SNX19: variants seen among roughly 807,000 people sequenced by gnomAD.
The protein encoded by SNX19 is sorting nexin 19.
A neutral mutation model predicts 85.2 loss-of-function variants in SNX19; 60 were observed. The ratio of observed to expected loss-of-function variants is 0.70; its 90% confidence interval spans 0.57 to 0.87. The LOEUF (loss-of-function observed/expected upper bound fraction) is 0.87, where lower values mean the gene tolerates loss of function less well. Among genes scored for constraint, SNX19 ranks in the 40% least tolerant of loss-of-function variants. SNX19 has a pLI of 0.00. For synonymous variants in SNX19, 520 were observed against 470.0 expected, an observed-to-expected ratio of 1.11 and a Z score of -1.38; for missense variants, 1,201 against 1,217.8, an observed-to-expected ratio of 0.99 and a Z score of 0.21.
In SNX19 at chr11:130,870,456, C is replaced by T. The variant is rs1192606998; in HGVS notation, c.*7966G>A. ...ACATTTGAGTAATGGATTTCTTTAC[C>T]TCACCTAAACAGATCCACTGAAAAG... On this transcript the variant is annotated 3_prime_UTR_variant, in exon 11 of 11. Coordinates refer to ENST00000265909, the MANE Select transcript of SNX19 (RefSeq NM_014758.3). Among the ~76,000 whole-genome samples the T allele has an allele frequency of 2.0e-5, 3 of 152,200 alleles. No individual in the cohort carries two copies. Among genetic ancestry groups the T allele is most frequent in the Non-Finnish European group, 4.4e-5 (3 of 68,036 alleles).
chr11:130,911,712 A>C lies in SNX19; in HGVS notation c.1734T>G (p.Thr578=), dbSNP rs779867870. Residue 578 remains threonine (T), a synonymous_variant, in exon 2 of 11, where the codon ACT becomes ACG. Coordinates refer to ENST00000265909, the MANE Select transcript of SNX19 (RefSeq NM_014758.3). ...SSGLQQLAYH[T]VNRRYREFLN... ...AGAACTCCCGATAGCGACGATTCAC[A>C]GTGTGGTAGGCCAGCTGCTGCAGGC... 1 of 1,614,206 alleles carries C rather than the reference A, an allele frequency of 6.2e-7. No homozygotes were observed. The highest frequency in any genetic ancestry group is 1.3e-5 in the African/African-American group (1 of 75,030).
chr11:130,902,955 T>C (rs1215722121), intron 8 of SNX19: 1 of 279,346 alleles, frequency 3.6e-6, no homozygotes, highest in Non-Finnish European at 6.8e-6. Flanking sequence ...GGCTGGAGGA[T>C]ATAACTGGGT....
intron 4 of SNX19, 96 bp from the exon 5 acceptor site, chr11:130,908,179 A>G: frequency 3.5e-6 from 5 of 1,430,576 alleles, no homozygotes; most frequent in Non-Finnish European, 4.7e-6. Context: ...GCAACAGGAC[A>G]AGGAGAGGGG....
chr11:130,891,002 T>A (rs1944458259), intron 8 of SNX19, among the ~76,000 whole-genome samples: 1 of 151,544 alleles, frequency 6.6e-6, no homozygotes, highest in Non-Finnish European at 1.5e-5. Context: ...CAAACACTGG[T>A]CTTAAAGCAT....
In SNX19 at chr11:130,916,214, A is replaced by G; in HGVS notation, c.-275T>C. 2.2e-6 allele frequency: 1 copy of G among 450,044 alleles called. No individual in the cohort carries two copies. Among genetic ancestry groups the G allele is most frequent in the Non-Finnish European group, 4.0e-6 (1 of 249,408 alleles). The allele number at this position is 450,044 out of a possible 1,614,324, so 27.9% of individuals were successfully genotyped here. A position where few individuals can be genotyped will look rare whatever the true frequency, so the allele number is the denominator to read the frequency against. ...AACTCTGTGGCCTTCACACTGCCCC[A>G]GGCGGAAGGCCTCTTCGGGGCCTCG... is the stretch of plus-strand genomic sequence containing the variant. On this transcript the variant is annotated 5_prime_UTR_variant, in exon 1 of 11. Coordinates refer to ENST00000265909, the MANE Select transcript of SNX19 (RefSeq NM_014758.3).
intron 5 of SNX19, among the ~76,000 whole-genome samples, 176 bp from the exon 6 acceptor site, chr11:130,906,897 A>G (rs570527265): frequency 1.4e-4 from 21 of 152,326 alleles, no homozygotes; most frequent in Non-Finnish European, 2.8e-4. Context: ...CAAACAATGT[A>G]TATTCTGGCA....
At chr11:130,908,391 C>T (rs1945839437) in intron 4 of SNX19, 1 of 197,128 alleles carries the variant, frequency 5.1e-6, no homozygotes, top group East Asian at 1.2e-4. Context: ...ATGTATTTTT[C>T]AATTTCTTTC....
In SNX19 at chr11:130,906,183, A is replaced by C. The variant is rs1383677814; in HGVS notation, c.2263-50T>G. 21 of 1,570,270 alleles carry C rather than the reference A, an allele frequency of 1.3e-5. No individual in the cohort carries two copies. In the South Asian group the frequency reaches 2.0e-4, roughly 15 times the overall value. On this transcript the variant is annotated intron_variant, in intron 6 of 10. Transcript: ENST00000265909. ...ACATATGGAATGCTGACAGTAGGGG[A>C]GCAAATGCAGCACTCTAGGTTTCCC... is the stretch of plus-strand genomic sequence containing the variant.
At chr11:130,896,905 C>T (rs963824923) in intron 8 of SNX19, among the ~76,000 whole-genome samples, 1 of 149,362 alleles carries the variant, frequency 6.7e-6, no homozygotes, top group Non-Finnish European at 1.5e-5. Flanking sequence ...TAGACATGCC[C>T]ACCAAGAAAG....
At chr11:130,909,984 A>G in intron 4 of SNX19, 34 bp downstream of exon 4, 1 of 1,611,040 alleles carries the variant, frequency 6.2e-7, no homozygotes, top group East Asian at 2.2e-5. Flanking sequence ...TTATAGATCA[A>G]AACTAAAGCT....
intron 7 of SNX19, among the ~76,000 whole-genome samples, chr11:130,904,511 A>G (rs1028118295): frequency 1.3e-5 from 2 of 152,214 alleles, no homozygotes; most frequent in African/African-American, 4.8e-5. Context: ...ATCTTCTCAA[A>G]GATGGAATAT....
In SNX19 at chr11:130,908,013, T is replaced by C. The variant is rs924194632; in HGVS notation, c.2105A>G (p.Glu702Gly). 3.1e-6 allele frequency: 5 copies of C among 1,614,184 alleles called. No homozygotes were observed. Among genetic ancestry groups the C allele is most frequent in the African/African-American group, 2.7e-5 (2 of 75,052 alleles). Residue 702 changes from glutamate to glycine, a missense_variant, in exon 5 of 11, where the codon GAG becomes GGG. Coordinates refer to ENST00000265909, the MANE Select transcript of SNX19 (RefSeq NM_014758.3). ...FPRSEPQSPTEELSEAETESK... is the reference protein window; with the variant it reads ...FPRSEPQSPTGELSEAETESK... ...TTCGGTCTCGGCCTCACTCAGCTCC[T>C]CTGTGGGGCTCTGGGGTTCAGAGCG...
intron 4 of SNX19, among the ~76,000 whole-genome samples, chr11:130,909,271 GT>G (rs1945907359): frequency 6.6e-6 from 1 of 152,150 alleles, no homozygotes; most frequent in Non-Finnish European, 1.5e-5. Context: ...TTAGTTTGTA[GT>G]TTTTTCCATA....
chr11:130,915,490 G>C lies in SNX19; in HGVS notation c.450C>G (p.Asp150Glu). Reference protein sequence around the residue: ...QELRRRMSVMDSHAVAQSVLT... With the variant: ...QELRRRMSVMESHAVAQSVLT... Reference sequence around the variant, plus strand: ...GAACACTCTGGGCAACAGCATGACTGTCCATCACGCTCATCCTTCTCCGAA... The same window carrying C: ...GAACACTCTGGGCAACAGCATGACTCTCCATCACGCTCATCCTTCTCCGAA... The change falls in exon 1 of 11, where the codon GAC (aspartate) becomes GAG (glutamate). Residue 150 changes from aspartate (D) to glutamate (E), a missense_variant. Physicochemically the swap from Asp to Glu is conservative, Grantham distance 45. Transcript: ENST00000265909. 6.2e-7 allele frequency: 1 copy of C among 1,614,188 alleles called. No individual in the cohort carries two copies. The highest frequency in any genetic ancestry group is 1.1e-5 in the South Asian group (1 of 91,088).
chr11:130,905,645 A>G, intron 7 of SNX19: 2 of 1,473,022 alleles, frequency 1.4e-6, no homozygotes, highest in Non-Finnish European at 1.8e-6. Flanking sequence ...TAAGAAATGC[A>G]AGAGTCTGAT....
intron 7 of SNX19, among the ~76,000 whole-genome samples, chr11:130,903,990 G>A (rs993668539): frequency 6.6e-6 from 1 of 152,148 alleles, no homozygotes; most frequent in Non-Finnish European, 1.5e-5. Flanking sequence ...GTGGGGTTAG[G>A]ATTCAGGAGG....
chr11:130,879,641 T>C lies in SNX19; in HGVS notation c.2829A>G (p.Gln943=). ...LSWGLVLESL[Q]QPLINRHLIY... ...CCACTTACCTGTTGATGAGGGGTTGTTGTAGTGACTCCAGGACTAGACCCC... is the reference window on the plus strand; with the variant it reads ...CCACTTACCTGTTGATGAGGGGTTGCTGTAGTGACTCCAGGACTAGACCCC... The change falls in exon 10 of 11, where the codon CAA becomes CAG. Residue 943 remains glutamine (Q), a synonymous_variant. Coordinates refer to ENST00000265909, the MANE Select transcript of SNX19 (RefSeq NM_014758.3). 1 of 1,613,956 alleles carries C rather than the reference T, an allele frequency of 6.2e-7. No individual in the cohort carries two copies. The highest frequency in any genetic ancestry group is 8.5e-7 in the Non-Finnish European group (1 of 1,179,898).
At position 130,879,507 on chromosome 11, in the gene SNX19, T is replaced by TAAAG. The variant is rs531922192; in HGVS notation, c.2846+113_2846+116dup. The TAAAG allele has an allele frequency of 1.2e-3, 1,031 of 840,190 alleles. 10 individuals are homozygous for TAAAG. The African/African-American group carries it at 0.016, about 13-fold the overall frequency. 52.0% of individuals were successfully genotyped at this position (840,190 alleles called of 1,614,324 possible). On this transcript the variant is annotated intron_variant, in intron 10 of 10. Coordinates refer to ENST00000265909, the MANE Select transcript of SNX19 (RefSeq NM_014758.3). Reference sequence around the variant, plus strand: ...CTCTGTAGTCAGTGCCCAGAGCAAGTAAAGACTACAATCCTATTCTTTGGA... The same window carrying TAAAG: ...CTCTGTAGTCAGTGCCCAGAGCAAGTAAAGAAAGACTACAATCCTATTCTTTGGA...
intron 1 of SNX19, among the ~76,000 whole-genome samples, chr11:130,913,422 T>C (rs796553617): frequency 2.0e-4 from 31 of 152,374 alleles, no homozygotes; most frequent in African/African-American, 7.5e-4. Flanking sequence ...CCATTCCGTC[T>C]TACTTGAAAA....
Sources: gnomAD v4.1 joint callset for allele counts (sites outside exome capture counted in the v4.1 genomes callset) on GRCh38, gnomAD v4.1.1 for gene constraint, MANE v1.5 for transcripts, NCBI Gene and HGNC (gene_info 2026-07-23, HGNC 2026-07-21) for gene names.